XKR9: variants seen among roughly 807,000 people sequenced by gnomAD.
The protein encoded by XKR9 is XK related 9.
XKR9 carries 32 observed loss-of-function variants against 32.0 expected under a neutral mutation model. The observed-to-expected ratio is 1.00, with a 90% CI of 0.76 to 1.34. The LOEUF is 1.34. XKR9 is among the 40% of genes most tolerant of loss of function. XKR9 has a pLI of 0.00. For missense variants in XKR9, 546 were observed against 429.7 expected (o/e 1.27, Z -2.39); for synonymous variants, 168 against 143.4 (o/e 1.17, Z -1.22).
the XKR9 span, among the ~76,000 whole-genome samples, chr8:70,906,099 C>A: frequency 6.6e-6 from 1 of 152,188 alleles, no homozygotes; most frequent in Admixed American, 6.5e-5. Context: ...AGAAGGCAGT[C>A]TGTCCGTTCT....
At chr8:70,767,500 T>C (rs1358634524) in intron 2 of XKR9, among the ~76,000 whole-genome samples, 6 of 137,734 alleles carry the variant, frequency 4.4e-5, no homozygotes, top group African/African-American at 1.3e-4. Context: ...TTCCTTCTTT[T>C]TTTTTTTTTT....
chr8:70,730,034 C>T (rs368627058), intron 4 of XKR9, among the ~76,000 whole-genome samples: 10 of 152,150 alleles, frequency 6.6e-5, no homozygotes, highest in Middle Eastern at 6.8e-3. Flanking sequence ...TTTACTTATC[C>T]GAGGTGGTAA....
intron 3 of XKR9, among the ~76,000 whole-genome samples, chr8:70,683,899 T>G (rs900318715): frequency 6.6e-6 from 1 of 152,238 alleles, no homozygotes; most frequent in African/African-American, 2.4e-5. Flanking sequence ...AATGTCTTTA[T>G]TTCATTATCT....
the XKR9 span, among the ~76,000 whole-genome samples, chr8:70,802,855 C>T: frequency 6.6e-6 from 1 of 152,222 alleles, no homozygotes; most frequent in African/African-American, 2.4e-5. Context: ...TGTAGGCAGC[C>T]TGCCCCTTCT....
At chr8:71,061,251 G>T in the XKR9 span, among the ~76,000 whole-genome samples, 1 of 152,084 alleles carries the variant, frequency 6.6e-6, no homozygotes, top group African/African-American at 2.4e-5. Flanking sequence ...CTTTCTTGAG[G>T]GCTCTCCATC....
chr8:70,793,257 AC>A (rs1807786768), downstream of XKR9, among the ~76,000 whole-genome samples: 1 of 152,074 alleles, frequency 6.6e-6, no homozygotes, highest in African/African-American at 2.4e-5. Flanking sequence ...TCATGTTGAA[AC>A]TTAATCCTCA....
At chr8:70,771,825 C>A (rs558885817) in intron 2 of XKR9, among the ~76,000 whole-genome samples, 1 of 152,190 alleles carries the variant, frequency 6.6e-6, no homozygotes, top group Non-Finnish European at 1.5e-5. Context: ...AGCAGATGAT[C>A]CAATCCTGTT....
chr8:70,994,796 T>C, the XKR9 span, among the ~76,000 whole-genome samples: 1 of 152,060 alleles, frequency 6.6e-6, no homozygotes, highest in Admixed American at 6.5e-5. Flanking sequence ...TTTCATTCTG[T>C]TTTTCTCTTT....
intron 3 of XKR9, among the ~76,000 whole-genome samples, chr8:70,702,931 G>T (rs982977913): frequency 6.6e-6 from 1 of 152,086 alleles, no homozygotes; most frequent in African/African-American, 2.4e-5. Context: ...TCTGACTTTT[G>T]TTGTTTCTGG....
chr8:70,678,286 T>C (rs1818947595), intron 2 of XKR9: 1 of 152,210 alleles, frequency 6.6e-6, no homozygotes, highest in South Asian at 2.1e-4. Flanking sequence ...TTATTTTTTA[T>C]TGTTAATTGA....
chr8:70,834,493 A>G, the XKR9 span, among the ~76,000 whole-genome samples: 3 of 152,128 alleles, frequency 2.0e-5, no homozygotes, highest in African/African-American at 7.2e-5. Flanking sequence ...TAATTTTCTG[A>G]AAAATGTTAA....
the XKR9 span, among the ~76,000 whole-genome samples, chr8:70,868,619 T>C: frequency 2.0e-5 from 3 of 152,068 alleles, no homozygotes; most frequent in Non-Finnish European, 2.9e-5. Context: ...CACTTTTTCC[T>C]CCTAGTCCTT....
At chr8:70,796,582 A>G in the XKR9 span, among the ~76,000 whole-genome samples, 1 of 151,802 alleles carries the variant, frequency 6.6e-6, no homozygotes, top group Non-Finnish European at 1.5e-5. Context: ...TCTGTTTTTT[A>G]TAGTTAGATT....
At chr8:71,040,466 T>G in the XKR9 span, among the ~76,000 whole-genome samples, 1 of 152,214 alleles carries the variant, frequency 6.6e-6, no homozygotes, top group African/African-American at 2.4e-5. Context: ...ATTCATTAAT[T>G]TAATAAGTAT....
chr8:70,744,098 G>A (rs954556693), intron 2 of XKR9, among the ~76,000 whole-genome samples: 5 of 151,828 alleles, frequency 3.3e-5, no homozygotes, highest in African/African-American at 1.2e-4. Flanking sequence ...ATTACCTGAC[G>A]TCAGGAGTTC....
the XKR9 span, among the ~76,000 whole-genome samples, chr8:70,825,279 T>G: frequency 1.3e-5 from 2 of 152,050 alleles, no homozygotes; most frequent in Non-Finnish European, 2.9e-5. Context: ...ACTTCATAGG[T>G]TTTTCTTGTC....
the XKR9 span, among the ~76,000 whole-genome samples, chr8:70,861,053 C>A: frequency 1.3e-4 from 19 of 151,946 alleles, no homozygotes; most frequent in Non-Finnish European, 2.6e-4. Context: ...TAAATGTTTG[C>A]CCTAATGCTG....
At chr8:70,898,331 A>G in the XKR9 span, among the ~76,000 whole-genome samples, 3 of 152,294 alleles carry the variant, frequency 2.0e-5, no homozygotes, top group South Asian at 6.2e-4. Flanking sequence ...GCTCTAGCAT[A>G]ATTTGAAGTT....
In XKR9 at chr8:70,773,460, C is replaced by A. The variant is rs76309030; in HGVS notation, n.353-15879C>A. ...CAGGCTGTCTTTTCTCTTGGCTAAGCTTTTAACAAGCTCCACATGCAAAAT... is the reference window on the plus strand; with the variant it reads ...CAGGCTGTCTTTTCTCTTGGCTAAGATTTTAACAAGCTCCACATGCAAAAT... On this transcript the variant is annotated intron_variant and non_coding_transcript_variant, in intron 2 of 3. Coordinates refer to the XKR9 transcript ENST00000520273. 6.4e-3 allele frequency among the ~76,000 whole-genome samples: 973 copies of A among 152,276 alleles called. 11 individuals are homozygous for A. Among genetic ancestry groups the A allele is most frequent in the African/African-American group, 0.021 (889 of 41,566 alleles).
Sources: allele counts gnomAD v4.1 joint callset (sites outside exome capture counted in the v4.1 genomes callset), GRCh38; gene constraint gnomAD v4.1.1; transcripts MANE v1.5; gene names NCBI Gene and HGNC (gene_info 2026-07-23, HGNC 2026-07-21).